FECH: variants seen among roughly 807,000 people sequenced by gnomAD.
FECH encodes the protein ferrochelatase, mitochondrial.
In FECH, 40 loss-of-function variants were observed where a neutral mutation model predicts 56.9. The observed-to-expected ratio is 0.70, with a 90% CI of 0.55 to 0.92. The LOEUF is 0.92. Among genes scored for constraint, FECH ranks in the 40% least tolerant of loss-of-function variants. FECH has a pLI of 0.00. For missense variants in FECH, 431 were observed against 529.1 expected (o/e 0.81, Z 1.82); for synonymous variants, 175 against 198.6 (o/e 0.88, Z 1.00).
intron 2 of FECH, among the ~76,000 whole-genome samples, chr18:57,579,630 T>A (rs2051244998): frequency 6.6e-6 from 1 of 152,302 alleles, no homozygotes; most frequent in South Asian, 2.1e-4. Flanking sequence ...TAAATCCTGT[T>A]ACTTCTTTTA....
Position 57,551,315 on chromosome 18 carries a change from CT to C in FECH, c.1136del (p.Lys379ArgfsTer21), listed in dbSNP as rs764466739. 1.2e-6 allele frequency: 2 copies of C among 1,606,590 alleles called. No individual in the cohort carries two copies. Among genetic ancestry groups the C allele is most frequent in the Non-Finnish European group, 1.7e-6 (2 of 1,173,326 alleles). ...AAAACGATTGTAACACTGTAGATAC[CT>C]TAGAGAACAATGGATTTCCATTAAG... is the stretch of plus-strand genomic sequence containing the variant. Reference protein sequence around the residue: ...ESLNGNPLFSKALADLVHSHI... With the variant: ...ESLNGNPLFSXALADLVHSHI... On this transcript the variant is annotated frameshift_variant and splice_region_variant, in exon 10 of 11. Transcript: ENST00000262093. LOFTEE classifies it high-confidence loss of function.
intron 6 of FECH, among the ~76,000 whole-genome samples, chr18:57,561,540 C>T (rs2050943950): frequency 6.6e-6 from 1 of 152,184 alleles, no homozygotes; most frequent in Non-Finnish European, 1.5e-5. Context: ...AGGCACCGAG[C>T]CTCTCAGAGC....
chr18:57,581,983 C>A (rs545825322), intron 1 of FECH, among the ~76,000 whole-genome samples: 2 of 151,742 alleles, frequency 1.3e-5, no homozygotes, highest in Non-Finnish European at 2.9e-5. Flanking sequence ...AAGTTCAATT[C>A]CATCTGGTTT....
chr18:57,580,752 C>T lies in FECH; in HGVS notation c.68-553G>A, dbSNP rs540977774. On this transcript the variant is annotated intron_variant, in intron 1 of 10. Transcript: ENST00000262093. The stretch of plus-strand genomic sequence containing the variant: ...CCTCCTCCCACTGCACCCCACCCCA[C>T]GGGGTATGCAGTCTCTACCACCAAG... 2.6e-4 allele frequency among the ~76,000 whole-genome samples: 40 copies of T among 152,236 alleles called. No individual in the cohort carries two copies. In the South Asian group the frequency reaches 5.4e-3, roughly 20 times the overall value.
At chr18:57,564,176 C>T (rs1304021313) in intron 5 of FECH, among the ~76,000 whole-genome samples, 1 of 152,152 alleles carries the variant, frequency 6.6e-6, no homozygotes, top group Non-Finnish European at 1.5e-5. Context: ...CCGCGCCCAG[C>T]ATAACTATTG....
chr18:57,554,150 T>A, intron 9 of FECH, 110 bp downstream of exon 9: 1 of 1,200,308 alleles, frequency 8.3e-7, no homozygotes, highest in Non-Finnish European at 1.2e-6. Flanking sequence ...ACACCGTACA[T>A]GCAAACAAAT....
intron 4 of FECH, among the ~76,000 whole-genome samples, chr18:57,570,076 T>TGA (rs1170367425): frequency 1.4e-5 from 2 of 141,268 alleles, no homozygotes; most frequent in African/African-American, 5.4e-5. Flanking sequence ...TGTGTGTGTG[T>TGA]GTAGACAGAG....
chr18:57,559,921 A>G (rs1355221366), intron 6 of FECH, among the ~76,000 whole-genome samples: 1 of 152,152 alleles, frequency 6.6e-6, no homozygotes, highest in Non-Finnish European at 1.5e-5. Context: ...ATCTCTGTCC[A>G]CCAGACCAGG....
chr18:57,576,931 T>C (rs997170916), intron 2 of FECH, among the ~76,000 whole-genome samples: 1 of 152,194 alleles, frequency 6.6e-6, no homozygotes, highest in Non-Finnish European at 1.5e-5. Context: ...TGTTTGAATA[T>C]AAAAGTGTAT....
At chr18:57,557,880 T>C (rs1195783308) in intron 7 of FECH, among the ~76,000 whole-genome samples, 1 of 152,000 alleles carries the variant, frequency 6.6e-6, no homozygotes, top group Non-Finnish European at 1.5e-5. Flanking sequence ...TCACCTTACA[T>C]AGGATGAAGT....
At chr18:57,575,452 T>C (rs1426224749) in intron 2 of FECH, among the ~76,000 whole-genome samples, 2 of 149,266 alleles carry the variant, frequency 1.3e-5, no homozygotes, top group Non-Finnish European at 3.0e-5. Flanking sequence ...TTTGTTTTTG[T>C]TTTTTTTTGA....
At chr18:57,551,402 A>G in intron 9 of FECH, 28 bp from the exon 10 acceptor site, 1 of 1,581,500 alleles carries the variant, frequency 6.3e-7, no homozygotes, top group Non-Finnish European at 8.7e-7. Context: ...AGGGAGGAAA[A>G]ACACAGATAT....
Position 57,580,167 on chromosome 18 carries a change from A to T in FECH, c.100T>A (p.Trp34Arg), listed in dbSNP as rs948213085. ...ASSSWRVCQP[W>R]RWKSGAAAAA... is the part of the protein sequence containing the mutation. ...GCAGCTGCACCTGACTTCCACCTCCATGGCTGACAGACCCTCCAGCTGCTG... is the reference window on the plus strand; with the variant it reads ...GCAGCTGCACCTGACTTCCACCTCCTTGGCTGACAGACCCTCCAGCTGCTG... Residue 34 changes from tryptophan (W) to arginine (R), a missense_variant, in exon 2 of 11, where the codon TGG becomes AGG. By Grantham distance (101) the Trp-to-Arg change is moderately radical. Coordinates refer to ENST00000262093, the MANE Select transcript of FECH (RefSeq NM_000140.5). 2.2e-5 allele frequency: 35 copies of T among 1,614,082 alleles called. No homozygotes were observed. Among genetic ancestry groups the T allele is most frequent in the Admixed American group, 5.0e-5 (3 of 60,006 alleles).
rs1304289815 is a variant in FECH at position 57,545,513 on chromosome 18, G to A, written c.*5199C>T. 1.3e-5 allele frequency among the ~76,000 whole-genome samples: 2 copies of A among 152,178 alleles called. No homozygotes were observed. The highest frequency in any genetic ancestry group is 2.4e-5 in the African/African-American group (1 of 41,444). ...CACGGGACCCCAGAATAGGAGGAATGTGTTCTCTAGAGGCAACCACCTCCC... is the reference window on the plus strand; with the variant it reads ...CACGGGACCCCAGAATAGGAGGAATATGTTCTCTAGAGGCAACCACCTCCC... On this transcript the variant is annotated 3_prime_UTR_variant, in exon 11 of 11. Transcript: ENST00000262093.
rs891699277 is a variant in FECH at position 57,545,949 on chromosome 18, C to T, written c.*4763G>A. On this transcript the variant is annotated 3_prime_UTR_variant, in exon 11 of 11. Transcript: ENST00000262093. Reference sequence around the variant, plus strand: ...TCAAGTACTGTAGACAGTTGTCCTTCTATATTGGCAGGGAATTGGTTCCAG... The same window carrying T: ...TCAAGTACTGTAGACAGTTGTCCTTTTATATTGGCAGGGAATTGGTTCCAG... Among the ~76,000 whole-genome samples the T allele has an allele frequency of 6.6e-6, 1 of 152,146 alleles. No individual in the cohort carries two copies. Among genetic ancestry groups the T allele is most frequent in the African/African-American group, 2.4e-5 (1 of 41,442 alleles).
At position 57,566,621 on chromosome 18, in the gene FECH, C is replaced by T. The variant is rs112218403; in HGVS notation, c.464-40G>A. On this transcript the variant is annotated intron_variant, in intron 4 of 10. Coordinates refer to ENST00000262093, the MANE Select transcript of FECH (RefSeq NM_000140.5). ...ATGTGGAAAGGAGAAAGTGTTAATC[C>T]TTATATAGATTCCTCAGAGTCAACA... 4.2e-5 allele frequency: 67 copies of T among 1,611,934 alleles called. No individual in the cohort carries two copies. The African/African-American group carries it at 7.3e-4, about 18-fold the overall frequency.
rs1464490127 is a variant in FECH at position 57,549,940 on chromosome 18, C to T, written c.*772G>A. The T allele has an allele frequency of 6.6e-6, 1 of 152,232 alleles. No individual in the cohort carries two copies. The highest frequency in any genetic ancestry group is 2.4e-5 in the African/African-American group (1 of 41,460). The allele number at this position is 152,232 out of a possible 1,614,324, so 9.4% of individuals were successfully genotyped here. ...AGGGTGAAGCTCATCACTAGCCTTT[C>T]CAGCAGCACTGTCCCTGGAGACCAG... On this transcript the variant is annotated 3_prime_UTR_variant, in exon 11 of 11. Coordinates refer to ENST00000262093, the MANE Select transcript of FECH (RefSeq NM_000140.5).
chr18:57,565,816 G>A (rs999487332), intron 5 of FECH, among the ~76,000 whole-genome samples: 2 of 152,188 alleles, frequency 1.3e-5, no homozygotes, highest in East Asian at 3.8e-4. Flanking sequence ...GTGTCTGTGG[G>A]TGACAGTAGC....
intron 4 of FECH, among the ~76,000 whole-genome samples, chr18:57,570,173 C>T (rs986165574): frequency 5.9e-5 from 9 of 152,032 alleles, no homozygotes; most frequent in African/African-American, 1.9e-4. Flanking sequence ...GGATTACAGG[C>T]GTGAGCCACC....
Sources: gnomAD v4.1 joint callset for allele counts (sites outside exome capture counted in the v4.1 genomes callset) on GRCh38, gnomAD v4.1.1 for gene constraint, MANE v1.5 for transcripts, NCBI Gene and HGNC (gene_info 2026-07-23, HGNC 2026-07-21) for gene names.